The following PTPRG variants were observed in gnomAD, a reference collection of about 807,000 sequenced individuals.
PTPRG encodes the protein receptor-type tyrosine-protein phosphatase gamma.
A neutral mutation model predicts 165.3 loss-of-function variants in PTPRG; 102 were observed. The ratio of observed to expected loss-of-function variants is 0.62; its 90% confidence interval spans 0.53 to 0.73. The LOEUF is 0.73. Among genes scored for constraint, PTPRG ranks in the 30% least tolerant of loss-of-function variants. The pLI is 0.00. For synonymous variants in PTPRG, 675 were observed against 669.5 expected (o/e 1.01, Z -0.13); for missense variants, 1,866 against 1,861.4 (o/e 1.00, Z -0.05).
intron 2 of PTPRG, among the ~76,000 whole-genome samples, chr3:61,868,816 A>G (rs1263328642): frequency 6.6e-6 from 1 of 151,734 alleles, no homozygotes; most frequent in African/African-American, 2.4e-5. Flanking sequence ...TCCTTTGGGC[A>G]TTGGTCTTTG....
At chr3:62,021,371 A>T (rs2041685932) in intron 4 of PTPRG, among the ~76,000 whole-genome samples, 1 of 152,232 alleles carries the variant, frequency 6.6e-6, no homozygotes, top group Non-Finnish European at 1.5e-5. Flanking sequence ...GGTAGGAGAG[A>T]TGTCTAACAT....
At chr3:62,235,860 TCTC>T (rs1701021390) in intron 14 of PTPRG, among the ~76,000 whole-genome samples, 1 of 152,154 alleles carries the variant, frequency 6.6e-6, no homozygotes, top group South Asian at 2.1e-4. Flanking sequence ...TCCCTTTCTC[TCTC>T]CTCATATCTG....
At chr3:61,895,507 G>A (rs2038332148) in intron 2 of PTPRG, among the ~76,000 whole-genome samples, 3 of 152,156 alleles carry the variant, frequency 2.0e-5, no homozygotes, top group Non-Finnish European at 2.9e-5. Flanking sequence ...ATCGCATGCT[G>A]TGCATATAAA....
chr3:61,601,045 G>A (rs1487108191), intron 1 of PTPRG, among the ~76,000 whole-genome samples: 1 of 152,116 alleles, frequency 6.6e-6, no homozygotes, highest in African/African-American at 2.4e-5. Flanking sequence ...ACTTGAGGTC[G>A]GGAGTTCGAG....
chr3:62,098,200 C>T (rs538398768), intron 5 of PTPRG, among the ~76,000 whole-genome samples: 1 of 151,916 alleles, frequency 6.6e-6, no homozygotes, highest in South Asian at 2.1e-4. Flanking sequence ...CCCTCCATAT[C>T]CTTGGGTTCT....
At chr3:62,066,141 T>C (rs568959106) in intron 4 of PTPRG, among the ~76,000 whole-genome samples, 2 of 152,326 alleles carry the variant, frequency 1.3e-5, no homozygotes. Flanking sequence ...TCTACACCTG[T>C]GTTAATTTTG....
At chr3:62,034,148 T>A (rs945185472) in intron 4 of PTPRG, among the ~76,000 whole-genome samples, 1 of 152,154 alleles carries the variant, frequency 6.6e-6, no homozygotes, top group Admixed American at 6.5e-5. Flanking sequence ...ACCAAAATGC[T>A]CACATACTCA....
At chr3:61,687,444 C>G (rs1703669073) in intron 1 of PTPRG, among the ~76,000 whole-genome samples, 1 of 152,152 alleles carries the variant, frequency 6.6e-6, no homozygotes, top group Non-Finnish European at 1.5e-5. Context: ...TTGTCAAGGC[C>G]GTAAATGGAC....
intron 12 of PTPRG, among the ~76,000 whole-genome samples, chr3:62,218,337 A>T (rs1030623303): frequency 6.6e-6 from 1 of 152,148 alleles, no homozygotes; most frequent in Non-Finnish European, 1.5e-5. Context: ...TTACTACAGG[A>T]AAGAGTAAGG....
intron 2 of PTPRG, among the ~76,000 whole-genome samples, chr3:61,882,053 C>G (rs1183477228): frequency 3.3e-5 from 5 of 152,158 alleles, no homozygotes; most frequent in Non-Finnish European, 7.3e-5. Context: ...TGATTGACTC[C>G]TAGTTACATG....
intron 1 of PTPRG, among the ~76,000 whole-genome samples, chr3:61,588,638 G>C (rs1575521291): frequency 6.6e-6 from 1 of 152,222 alleles, no homozygotes; most frequent in South Asian, 2.1e-4. Flanking sequence ...TAGAGACAAG[G>C]TTTCACCATG....
intron 15 of PTPRG, among the ~76,000 whole-genome samples, chr3:62,244,502 C>T (rs1026900874): frequency 1.3e-5 from 2 of 152,166 alleles, no homozygotes; most frequent in African/African-American, 2.4e-5. Flanking sequence ...GGCATCCCTT[C>T]TTCTTTGCCA....
rs1407337100 is a variant in PTPRG, at chr3:62,254,194, G to A, written c.2468-930G>A. On this transcript the variant is annotated intron_variant, in intron 15 of 29. Coordinates refer to ENST00000474889, the MANE Select transcript of PTPRG (RefSeq NM_002841.4). This position sits in a 1 kb window ranked among gnomAD's most constrained non-coding sequence, Gnocchi z 4.6. Reference sequence around the variant, plus strand: ...GAAAAGCATCTGTGGCAGTTTAGATGTTTGTGCGTTTGCCAAAGATCTTTC... The same window carrying A: ...GAAAAGCATCTGTGGCAGTTTAGATATTTGTGCGTTTGCCAAAGATCTTTC... Among the ~76,000 whole-genome samples, 2 of 152,170 alleles carry A rather than the reference G, an allele frequency of 1.3e-5. No individual in the cohort carries two copies. The highest frequency in any genetic ancestry group is 2.9e-5 in the Non-Finnish European group (2 of 68,038).
intron 1 of PTPRG, among the ~76,000 whole-genome samples, chr3:61,565,666 A>G (rs949712796): frequency 6.7e-6 from 1 of 149,006 alleles, no homozygotes; most frequent in Non-Finnish European, 1.5e-5. Flanking sequence ...TCTGGTTTTG[A>G]TATGTTTTGT....
intron 2 of PTPRG, among the ~76,000 whole-genome samples, chr3:61,862,390 T>C (rs974807105): frequency 2.0e-5 from 3 of 151,278 alleles, no homozygotes; most frequent in African/African-American, 7.3e-5. Flanking sequence ...CTTTTTTTTT[T>C]TTTTTTTTGA....
chr3:61,989,379 AC>A (rs1324915129), intron 2 of PTPRG, among the ~76,000 whole-genome samples: 1 of 152,224 alleles, frequency 6.6e-6, no homozygotes, highest in African/African-American at 2.4e-5. Context: ...AACTCTCTTA[AC>A]CTGATTAAAG....
chr3:61,956,049 A>C (rs1048028525), intron 2 of PTPRG, among the ~76,000 whole-genome samples: 2 of 151,522 alleles, frequency 1.3e-5, no homozygotes, highest in Non-Finnish European at 2.9e-5. Flanking sequence ...CCCTTAGTTT[A>C]ACCTGAAAAT....
In PTPRG at chr3:61,906,365, A is replaced by G. The variant is rs1203819921; in HGVS notation, c.191-83260A>G. Among the ~76,000 whole-genome samples the G allele has an allele frequency of 2.0e-5, 3 of 151,900 alleles. No homozygotes were observed. The East Asian group carries it at 5.8e-4, about 29-fold the overall frequency. On this transcript the variant is annotated intron_variant, in intron 2 of 29. Coordinates refer to ENST00000474889, the MANE Select transcript of PTPRG (RefSeq NM_002841.4). ...CAGCTCCTCGGGAGGCTGAGGCAGGAGAATCATGTGAACTGCGGAGGTGGA... is the reference window on the plus strand; with the variant it reads ...CAGCTCCTCGGGAGGCTGAGGCAGGGGAATCATGTGAACTGCGGAGGTGGA...
intron 2 of PTPRG, among the ~76,000 whole-genome samples, chr3:61,785,520 G>C (rs973942193): frequency 6.6e-6 from 1 of 152,158 alleles, no homozygotes; most frequent in African/African-American, 2.4e-5. Context: ...TCTGGTAAAA[G>C]CAGATTTTTG....
Sources: gnomAD v4.1 joint callset for allele counts (sites outside exome capture counted in the v4.1 genomes callset) on GRCh38, gnomAD v4.1.1 for gene constraint, Gnocchi (gnomAD v3.1) non-coding constraint, MANE v1.5 for transcripts, NCBI Gene and HGNC (gene_info 2026-07-23, HGNC 2026-07-21) for gene names.